The following MAST4 variants were observed in gnomAD, a reference collection of about 807,000 sequenced individuals.
The protein encoded by MAST4 is microtubule-associated serine/threonine-protein kinase 4.
Under a neutral mutation model 162.7 loss-of-function variants are expected in MAST4, and 89 were observed. That is an observed-to-expected ratio of 0.55 (90% CI 0.46 to 0.65). The LOEUF (loss-of-function observed/expected upper bound fraction) is 0.65, where lower values mean the gene tolerates loss of function less well. MAST4 is among the 30% of genes least tolerant of loss of function. The pLI is 0.00. For synonymous variants in MAST4, 1,479 were observed against 1,361.1 expected, an observed-to-expected ratio of 1.09 and a Z score of -1.91; for missense variants, 3,153 against 3,374.0, an observed-to-expected ratio of 0.93 and a Z score of 1.62.
chr5:67,146,877 A>C (rs927401579), intron 23 of MAST4, among the ~76,000 whole-genome samples: 3 of 152,224 alleles, frequency 2.0e-5, no homozygotes, highest in African/African-American at 7.2e-5. Context: ...TGCTCAGATC[A>C]TATGTAGATA....
At chr5:66,995,974 T>A (rs1750592828) in intron 4 of MAST4, among the ~76,000 whole-genome samples, 1 of 152,000 alleles carries the variant, frequency 6.6e-6, no homozygotes, top group African/African-American at 2.4e-5. Context: ...TACTGACAGA[T>A]GTTCATTAAA....
At chr5:66,653,031 A>G (rs1004118240) in intron 1 of MAST4, among the ~76,000 whole-genome samples, 1 of 152,132 alleles carries the variant, frequency 6.6e-6, no homozygotes, top group Non-Finnish European at 1.5e-5. Flanking sequence ...ATAACTTTTC[A>G]AAAGGGCAGA....
At chr5:66,636,642 C>T (rs530200698) in intron 1 of MAST4, among the ~76,000 whole-genome samples, 5 of 152,236 alleles carry the variant, frequency 3.3e-5, no homozygotes, top group African/African-American at 1.2e-4. Flanking sequence ...TGGTAAGTCA[C>T]TTGTGGTAAT....
At chr5:67,034,060 T>A (rs1755712832) in intron 4 of MAST4, among the ~76,000 whole-genome samples, 3 of 152,168 alleles carry the variant, frequency 2.0e-5, no homozygotes, top group African/African-American at 7.2e-5. Flanking sequence ...GGCCGGTGAC[T>A]TAAGTACAAA....
At chr5:67,117,787 A>G (rs2150939355) in intron 12 of MAST4, among the ~76,000 whole-genome samples, 1 of 152,282 alleles carries the variant, frequency 6.6e-6, no homozygotes, top group South Asian at 2.1e-4. Flanking sequence ...AATGAACAAT[A>G]AAAGAATTTG....
At chr5:66,782,415 T>C (rs1375150377) in intron 2 of MAST4, among the ~76,000 whole-genome samples, 1 of 152,190 alleles carries the variant, frequency 6.6e-6, no homozygotes, top group Non-Finnish European at 1.5e-5. Flanking sequence ...CATACAAGGC[T>C]ACAGAACTTT....
intron 4 of MAST4, among the ~76,000 whole-genome samples, chr5:66,906,482 A>G (rs1763364337): frequency 6.6e-6 from 1 of 152,148 alleles, no homozygotes; most frequent in Non-Finnish European, 1.5e-5. Flanking sequence ...CTGGCATTTG[A>G]TAGTTTCAGG....
intron 4 of MAST4, among the ~76,000 whole-genome samples, chr5:67,034,589 G>A (rs986277766): frequency 2.6e-5 from 4 of 152,274 alleles, no homozygotes; most frequent in African/African-American, 9.6e-5. Context: ...CCAGGACTGC[G>A]AGCTTTAAGC....
chr5:66,737,243 A>G (rs1271646595), intron 1 of MAST4, among the ~76,000 whole-genome samples: 1 of 152,094 alleles, frequency 6.6e-6, no homozygotes, highest in South Asian at 2.1e-4. Context: ...CAGTTCCTTT[A>G]TGTTGCTGGC....
chr5:67,135,323 G>T (rs1769475150), intron 18 of MAST4, among the ~76,000 whole-genome samples: 1 of 152,038 alleles, frequency 6.6e-6, no homozygotes, highest in African/African-American at 2.4e-5. Flanking sequence ...TGTGGCCTGT[G>T]GCAAAACTAA....
In MAST4 at chr5:66,951,634, G is replaced by GTGTATGTA. The variant is rs1554072460; in HGVS notation, c.674+51655_674+51656insATGTATGT. 1.9e-3 allele frequency among the ~76,000 whole-genome samples: 283 copies of GTGTATGTA among 148,724 alleles called. 10 individuals carry two copies. Among genetic ancestry groups the GTGTATGTA allele is most frequent in the African/African-American group, 7.0e-3 (273 of 39,204 alleles). On this transcript the variant is annotated intron_variant, in intron 4 of 28. Coordinates refer to ENST00000403625, the MANE Select transcript of MAST4 (RefSeq NM_001164664.2). Reference sequence around the variant, plus strand: ...TGTGTGTGTGTGTGTGTGTGTGTGTGTGTGTGTGTGTGTGTGTGTATTTTT... The same window carrying GTGTATGTA: ...TGTGTGTGTGTGTGTGTGTGTGTGTGTGTATGTATGTGTGTGTGTGTGTGTGTATTTTT...
Position 66,746,174 on chromosome 5 carries a change from T to C in MAST4, c.364-13535T>C, listed in dbSNP as rs370944141. 3.9e-5 allele frequency among the ~76,000 whole-genome samples: 6 copies of C among 152,314 alleles called. No homozygotes were observed. The East Asian group carries it at 1.2e-3, about 29-fold the overall frequency. ...GATTCTGTAATTCTATCTTAAAAAT[T>C]GCCGCCATAGAAACCCTAGAAACTA... On this transcript the variant is annotated intron_variant, in intron 1 of 28. Transcript: ENST00000403625.
At position 67,084,069 on chromosome 5, in the gene MAST4, G is replaced by A. The variant is rs1036396925; in HGVS notation, c.764-6093G>A. 5.3e-5 allele frequency among the ~76,000 whole-genome samples: 8 copies of A among 152,126 alleles called. No homozygotes were observed. In the East Asian group the frequency reaches 9.6e-4, roughly 18 times the overall value. ...TCAATGCCACAGCATTTCAAATACA[G>A]TACACAAGTTCCAGAGAAACAGCTT... On this transcript the variant is annotated intron_variant, in intron 5 of 28. Coordinates refer to ENST00000403625, the MANE Select transcript of MAST4 (RefSeq NM_001164664.2).
chr5:66,911,789 A>G (rs180878171), intron 4 of MAST4, among the ~76,000 whole-genome samples: 90 of 152,276 alleles, frequency 5.9e-4, no homozygotes, highest in African/African-American at 1.9e-3. Flanking sequence ...ATAATCTTTC[A>G]AGAAATATTT....
At chr5:66,760,401 A>C (rs1419338673) in intron 2 of MAST4, among the ~76,000 whole-genome samples, 1 of 152,084 alleles carries the variant, frequency 6.6e-6, no homozygotes, top group African/African-American at 2.4e-5. Context: ...GGTGTGAGCC[A>C]CCGCACCCGG....
intron 3 of MAST4, among the ~76,000 whole-genome samples, chr5:66,847,655 CAACAAAAACACA>C (rs1364329151): frequency 6.0e-5 from 9 of 150,740 alleles, no homozygotes; most frequent in Admixed American, 2.0e-4. Context: ...ACAACAACAA[CAACAAAAACACA>C]AATATTAGCT....
At chr5:66,958,611 G>A (rs1745606862) in intron 4 of MAST4, among the ~76,000 whole-genome samples, 1 of 152,186 alleles carries the variant, frequency 6.6e-6, no homozygotes, top group Non-Finnish European at 1.5e-5. Context: ...AACGGAGTCT[G>A]ACTTCCCCCA....
At chr5:66,910,893 G>A (rs71626467) in intron 4 of MAST4, among the ~76,000 whole-genome samples, 4,947 of 151,874 alleles carry the variant, frequency 0.033, 147 homozygotes, top group African/African-American at 0.076. Context: ...GACTACAGGC[G>A]CATGCCACCA....
intron 3 of MAST4, among the ~76,000 whole-genome samples, chr5:66,807,496 C>T (rs1456240072): frequency 7.0e-6 from 1 of 141,864 alleles, no homozygotes; most frequent in Non-Finnish European, 1.6e-5. Context: ...GAGCGAGACT[C>T]CGTCTCAAAA....
Sources: gnomAD v4.1 joint callset for allele counts (sites outside exome capture counted in the v4.1 genomes callset) on GRCh38, gnomAD v4.1.1 for gene constraint, MANE v1.5 for transcripts, NCBI Gene and HGNC (gene_info 2026-07-23, HGNC 2026-07-21) for gene names.